Variants in OXR1 observed in about 807,000 individuals in gnomAD.
OXR1 encodes oxidation resistance protein 1.
A neutral mutation model predicts 104.6 loss-of-function variants in OXR1; 41 were observed. That is an observed-to-expected ratio of 0.39 (90% confidence interval 0.31 to 0.51). The LOEUF is 0.51. OXR1 is among the 20% of genes least tolerant of loss of function. The pLI is 0.77. For synonymous variants in OXR1, 348 were observed against 348.4 expected, an observed-to-expected ratio of 1.00 and a Z score of 0.01; for missense variants, 955 against 1,031.9, an observed-to-expected ratio of 0.93 and a Z score of 1.02.
At chr8:106,617,292 G>A (rs957404692) in intron 3 of OXR1, among the ~76,000 whole-genome samples, 3 of 152,124 alleles carry the variant, frequency 2.0e-5, no homozygotes, top group East Asian at 1.9e-4. Flanking sequence ...GCATGATGGC[G>A]TGTGCCTGTA....
chr8:106,670,701 A>G lies in OXR1; in HGVS notation c.221-8509A>G, dbSNP rs915043710. Among the ~76,000 whole-genome samples, 16 of 152,298 alleles carry G rather than the reference A, an allele frequency of 1.1e-4. No homozygotes were observed. The East Asian group carries it at 3.1e-3, about 29-fold the overall frequency. On this transcript the variant is annotated intron_variant, in intron 3 of 16. Transcript: ENST00000517566. ...TAACTGAAAGGTAAGTCAAAAGGGAATGTTCAGAGTAAACAGGAAAGAGGA... is the reference window on the plus strand; with the variant it reads ...TAACTGAAAGGTAAGTCAAAAGGGAGTGTTCAGAGTAAACAGGAAAGAGGA...
chr8:106,330,198 C>T (rs995936200), intron 1 of OXR1, among the ~76,000 whole-genome samples: 3 of 152,184 alleles, frequency 2.0e-5, no homozygotes, highest in African/African-American at 4.8e-5. Context: ...TAACACAATG[C>T]CAGGCACTTT....
intron 3 of OXR1, among the ~76,000 whole-genome samples, chr8:106,635,214 A>C (rs186376906): frequency 6.6e-6 from 1 of 152,184 alleles, no homozygotes; most frequent in African/African-American, 2.4e-5. Flanking sequence ...AAATCTTTTA[A>C]AATTTAGGCA....
At chr8:106,273,243 A>G (rs1481544531) in intron 1 of OXR1, among the ~76,000 whole-genome samples, 1 of 150,510 alleles carries the variant, frequency 6.6e-6, no homozygotes, top group Non-Finnish European at 1.5e-5. Context: ...GTCATTACAA[A>G]GAAAAAAAAA....
At position 106,370,896 on chromosome 8, in the gene OXR1, A is replaced by G. The variant is rs182771060; in HGVS notation, c.23+11260A>G. ...GTCTCTTTCTGGGTTTGGTATCAGGATGATGCTGGCTTCATAAAATGAGTT... is the reference window on the plus strand; with the variant it reads ...GTCTCTTTCTGGGTTTGGTATCAGGGTGATGCTGGCTTCATAAAATGAGTT... On this transcript the variant is annotated intron_variant, in intron 2 of 16. Coordinates refer to ENST00000517566, the MANE Select transcript of OXR1 (RefSeq NM_001198533.2). Among the ~76,000 whole-genome samples, 450 of 152,148 alleles carry G rather than the reference A, an allele frequency of 3.0e-3. 3 individuals are homozygous for G. Among genetic ancestry groups the G allele is most frequent in the Non-Finnish European group, 3.5e-3 (240 of 68,004 alleles).
At chr8:106,315,846 C>T (rs1002144281) in intron 1 of OXR1, among the ~76,000 whole-genome samples, 1 of 152,092 alleles carries the variant, frequency 6.6e-6, no homozygotes, top group Non-Finnish European at 1.5e-5. Flanking sequence ...GGAGTAAATC[C>T]GGATGAGCCA....
At chr8:106,689,629 C>T (rs1380834845) in intron 6 of OXR1, among the ~76,000 whole-genome samples, 2 of 151,898 alleles carry the variant, frequency 1.3e-5, no homozygotes, top group East Asian at 3.9e-4. Flanking sequence ...TAATTCTAGT[C>T]AAGTAAGATT....
At chr8:106,727,002 G>T (rs1247544827) in intron 11 of OXR1, among the ~76,000 whole-genome samples, 1 of 152,164 alleles carries the variant, frequency 6.6e-6, no homozygotes. Flanking sequence ...GACTTTGGAA[G>T]ATGCCCCCAA....
chr8:106,455,940 TA>T (rs1324601482), intron 2 of OXR1, among the ~76,000 whole-genome samples: 1 of 152,216 alleles, frequency 6.6e-6, no homozygotes, highest in Non-Finnish European at 1.5e-5. Flanking sequence ...TCAAAAACTT[TA>T]AAAAATATTT....
chr8:106,424,661 C>A (rs1267718283), intron 2 of OXR1, among the ~76,000 whole-genome samples: 2 of 152,008 alleles, frequency 1.3e-5, no homozygotes, highest in African/African-American at 2.4e-5. Context: ...AATTATGGAC[C>A]ATGGGGTATG....
chr8:106,354,297 T>A (rs1202570286), intron 1 of OXR1, among the ~76,000 whole-genome samples: 4 of 151,902 alleles, frequency 2.6e-5, no homozygotes, highest in Non-Finnish European at 5.9e-5. Context: ...CTCAAAAGAG[T>A]CTAATATTTC....
chr8:106,555,963 A>ATT (rs59149010), intron 3 of OXR1, among the ~76,000 whole-genome samples: 4 of 142,016 alleles, frequency 2.8e-5, no homozygotes, highest in Admixed American at 1.4e-4. Context: ...ATGGAATATT[A>ATT]AACTATAAAA....
intron 3 of OXR1, chr8:106,618,107 CTCT>C (rs1821390457): frequency 6.5e-7 from 1 of 1,535,836 alleles, no homozygotes; most frequent in African/African-American, 1.4e-5. Context: ...TTCCTGTCTC[CTCT>C]TCTTGAAAGC....
intron 11 of OXR1, among the ~76,000 whole-genome samples, chr8:106,735,551 A>G (rs1230295099): frequency 1.3e-5 from 2 of 152,130 alleles, no homozygotes; most frequent in African/African-American, 2.4e-5. Context: ...GAGTTTTAGA[A>G]TATAGATATA....
chr8:106,378,632 C>G (rs528660217), intron 2 of OXR1, among the ~76,000 whole-genome samples: 2 of 152,324 alleles, frequency 1.3e-5, no homozygotes, highest in Admixed American at 1.3e-4. Flanking sequence ...GCCTCAGCCT[C>G]CCGAGTAGCT....
At chr8:106,665,402 T>C (rs1453155522) in intron 3 of OXR1, among the ~76,000 whole-genome samples, 7 of 152,178 alleles carry the variant, frequency 4.6e-5, no homozygotes, top group Admixed American at 3.9e-4. Context: ...ATCAAAGTTA[T>C]AACAAAACAA....
At chr8:106,403,969 G>A (rs4734911) in intron 2 of OXR1, among the ~76,000 whole-genome samples, 8,872 of 152,236 alleles carry the variant, frequency 0.058, 354 homozygotes, top group Non-Finnish European at 0.087. Context: ...TGTGAGAGGG[G>A]GAGGTTCTAA....
chr8:106,676,709 GC>G (rs1229336581), intron 3 of OXR1, among the ~76,000 whole-genome samples: 1 of 151,918 alleles, frequency 6.6e-6, no homozygotes. Context: ...TTTTTCTCTA[GC>G]TGCTCTCAAA....
intron 3 of OXR1, chr8:106,657,789 C>A: frequency 1.7e-6 from 2 of 1,205,232 alleles, no homozygotes; most frequent in Admixed American, 4.2e-5. Flanking sequence ...CTTTTGCTCC[C>A]CCGACGCGTG....
Sources: gnomAD v4.1 joint callset for allele counts (sites outside exome capture counted in the v4.1 genomes callset) on GRCh38, gnomAD v4.1.1 for gene constraint, MANE v1.5 for transcripts, NCBI Gene and HGNC (gene_info 2026-07-23, HGNC 2026-07-21) for gene names.